ANK3: variants seen among roughly 807,000 people sequenced by gnomAD.
The protein encoded by ANK3 is ankyrin-3.
Under a neutral mutation model 370.9 loss-of-function variants are expected in ANK3, and 57 were observed. The ratio of observed to expected loss-of-function variants is 0.15; its 90% CI spans 0.12 to 0.19. The LOEUF is 0.19. ANK3 is among the 10% of genes least tolerant of loss of function. ANK3 has a pLI of 1.00. For synonymous variants in ANK3, 1,929 were observed against 1,946.3 expected (o/e 0.99, Z 0.23); for missense variants, 4,439 against 5,302.1 (o/e 0.84, Z 5.06).
intron 2 of ANK3, among the ~76,000 whole-genome samples, chr10:60,573,849 G>T (rs747792638): frequency 6.6e-6 from 1 of 152,310 alleles, no homozygotes; most frequent in Non-Finnish European, 1.5e-5. Flanking sequence ...GAAAGAAGGG[G>T]AGAGAGGGTT....
At chr10:60,621,666 A>G (rs1372709) in intron 1 of ANK3, among the ~76,000 whole-genome samples, 107,781 of 151,984 alleles carry the variant, frequency 0.71, 38,349 homozygotes, top group South Asian at 0.88. Context: ...ATTCCAAGTA[A>G]CACATTTATT....
Position 60,083,748 on chromosome 10 carries a change from T to C in ANK3, c.4075-131A>G, listed in dbSNP as rs542971479. 229 of 717,518 alleles carry C rather than the reference T, an allele frequency of 3.2e-4. No individual in the cohort carries two copies. The African/African-American group carries it at 3.9e-3, about 12-fold the overall frequency. 44.4% of individuals were successfully genotyped at this position (717,518 alleles called of 1,614,324 possible). On this transcript the variant is annotated intron_variant, in intron 32 of 43. Coordinates refer to ENST00000280772, the MANE Select transcript of ANK3 (RefSeq NM_020987.5). ...TGTCTCTATTAGGCAGTTACTTCTG[T>C]GGTGCTATTTGCAACAAAAATAATG... is the stretch of plus-strand genomic sequence containing the variant.
chr10:60,224,438 A>G (rs548466406), intron 8 of ANK3, among the ~76,000 whole-genome samples: 3 of 152,198 alleles, frequency 2.0e-5, no homozygotes, highest in South Asian at 2.1e-4. Context: ...ATCCTTGTAC[A>G]TGCGAAGGTC....
At chr10:60,683,968 A>T (rs144772895) in intron 1 of ANK3, among the ~76,000 whole-genome samples, 1 of 152,348 alleles carries the variant, frequency 6.6e-6, no homozygotes, top group Non-Finnish European at 1.5e-5. Flanking sequence ...TTTAAAACTC[A>T]TGGAAATACC....
At chr10:60,494,922 C>T (rs7898141) in intron 2 of ANK3, among the ~76,000 whole-genome samples, 19,562 of 152,022 alleles carry the variant, frequency 0.13, 1,449 homozygotes, top group African/African-American at 0.2. Flanking sequence ...AAGATGAATC[C>T]TACAGGGATT....
chr10:60,109,715 T>G (rs1357315694), intron 26 of ANK3, among the ~76,000 whole-genome samples: 1 of 152,220 alleles, frequency 6.6e-6, no homozygotes, highest in South Asian at 2.1e-4. Context: ...AAGTGGAACT[T>G]AGACTTTTAG....
At chr10:60,337,077 A>G (rs556238331) in intron 1 of ANK3, among the ~76,000 whole-genome samples, 5 of 152,146 alleles carry the variant, frequency 3.3e-5, no homozygotes, top group Non-Finnish European at 7.4e-5. Flanking sequence ...GCCAAGACCA[A>G]ATTATGCAGT....
intron 21 of ANK3, among the ~76,000 whole-genome samples, chr10:60,169,366 T>TTTG (rs2095713411): frequency 9.4e-6 from 1 of 106,918 alleles, no homozygotes; most frequent in Non-Finnish European, 1.8e-5. Flanking sequence ...GTCTCATAGT[T>TTTG]TTTTTTTTTT....
intron 20 of ANK3, 38 bp from the exon 21 acceptor site, chr10:60,172,441 C>T: frequency 6.4e-7 from 1 of 1,559,928 alleles, no homozygotes; most frequent in Non-Finnish European, 8.8e-7. Flanking sequence ...ATTAGCAAGC[C>T]TTATTCCACA....
chr10:60,619,571 A>G (rs916306590), intron 1 of ANK3, among the ~76,000 whole-genome samples: 3 of 152,214 alleles, frequency 2.0e-5, no homozygotes, highest in African/African-American at 7.2e-5. Flanking sequence ...CTGTCTTGAC[A>G]TTAGTAAAAA....
intron 17 of ANK3, 28 bp from the exon 18 acceptor site, chr10:60,181,455 T>C: frequency 6.3e-7 from 1 of 1,598,048 alleles, no homozygotes; most frequent in South Asian, 1.1e-5. Flanking sequence ...GGCACAGTCA[T>C]CGTACAGGAA....
chr10:60,559,088 GA>G (rs1367319529), intron 2 of ANK3, among the ~76,000 whole-genome samples: 4 of 152,064 alleles, frequency 2.6e-5, no homozygotes, highest in African/African-American at 9.7e-5. Context: ...ACACTAATGA[GA>G]ACAATAGTTA....
Position 60,074,835 on chromosome 10 carries a change from C to T in ANK3, c.6046G>A (p.Val2016Met). 6.2e-7 allele frequency: 1 copy of T among 1,613,524 alleles called. No homozygotes were observed. Among genetic ancestry groups the T allele is most frequent in the African/African-American group, 1.3e-5 (1 of 74,992 alleles). ...ASQSPSLPER[V>M]QVKAKAASEK... ...GAGGCGGCTTTTGCTTTTACTTGCA[C>T]TCTCTCTGGCAGAGATGGAGACTGG... The change falls in exon 37 of 44, where the codon GTG becomes ATG. Residue 2016 changes from valine (V) to methionine (M), a missense_variant. By Grantham distance (21) the Val-to-Met change is conservative (BLOSUM62 1). Coordinates refer to ENST00000280772, the MANE Select transcript of ANK3 (RefSeq NM_020987.5).
At position 60,027,768 on chromosome 10, in the gene ANK3, G is replaced by A. The variant is rs1214977886; in HGVS notation, c.*2078C>T. ...CTAGAATAAAAGTTAAAACAGCCAT[G>A]GTCTCTGCCTCAGTAGAATTTAGAT... is the stretch of plus-strand genomic sequence containing the variant. On this transcript the variant is annotated 3_prime_UTR_variant, in exon 44 of 44. Coordinates refer to ENST00000280772, the MANE Select transcript of ANK3 (RefSeq NM_020987.5). 1 of 152,094 alleles carries A rather than the reference G, an allele frequency of 6.6e-6. No homozygotes were observed. The highest frequency in any genetic ancestry group is 1.5e-5 in the Non-Finnish European group (1 of 68,012). 9.4% of individuals were successfully genotyped at this position (152,094 alleles called of 1,614,324 possible).
chr10:60,637,380 A>G (rs767267767), intron 1 of ANK3, among the ~76,000 whole-genome samples: 8 of 152,226 alleles, frequency 5.3e-5, no homozygotes, highest in African/African-American at 9.6e-5. Flanking sequence ...CACTTAAAGA[A>G]GAAAATAGAC....
chr10:60,262,028 C>A (rs1592667827), intron 6 of ANK3, 71 bp from the exon 7 acceptor site: 2 of 1,316,254 alleles, frequency 1.5e-6, no homozygotes, highest in Non-Finnish European at 1.1e-6. Context: ...AATATCATAA[C>A]CCTGCCCAAA....
intron 1 of ANK3, among the ~76,000 whole-genome samples, chr10:60,645,174 T>C (rs2133355781): frequency 6.6e-6 from 1 of 152,274 alleles, no homozygotes; most frequent in East Asian, 1.9e-4. Flanking sequence ...TTTGAAATCC[T>C]CTTTTGTCAC....
At chr10:60,647,179 C>T (rs1039782663) in intron 1 of ANK3, among the ~76,000 whole-genome samples, 4 of 152,140 alleles carry the variant, frequency 2.6e-5, no homozygotes, top group African/African-American at 7.2e-5. Flanking sequence ...CATGTTATGC[C>T]TAACCTTAAG....
chr10:60,660,931 C>G (rs1005637034), intron 1 of ANK3, among the ~76,000 whole-genome samples: 1 of 152,056 alleles, frequency 6.6e-6, no homozygotes, highest in Non-Finnish European at 1.5e-5. Context: ...CACACACACA[C>G]ACACCCCACA....
Sources: gnomAD v4.1 joint callset for allele counts (sites outside exome capture counted in the v4.1 genomes callset) on GRCh38, gnomAD v4.1.1 for gene constraint, MANE v1.5 for transcripts, NCBI Gene and HGNC (gene_info 2026-07-23, HGNC 2026-07-21) for gene names.